UBAC2: variants seen among roughly 807,000 people sequenced by gnomAD.
The protein encoded by UBAC2 is ubiquitin-associated domain-containing protein 2.
In UBAC2, 26 loss-of-function variants were observed where a neutral mutation model predicts 44.0. The observed-to-expected ratio is 0.59, with a 90% confidence interval of 0.43 to 0.82. UBAC2 has a LOEUF of 0.82. UBAC2 is among the 40% of genes least tolerant of loss of function. UBAC2 has a pLI of 0.00. For synonymous variants in UBAC2, 155 were observed against 154.3 expected (o/e 1.00, Z -0.04); for missense variants, 329 against 419.4 (o/e 0.78, Z 1.88).
intron 7 of UBAC2, among the ~76,000 whole-genome samples, chr13:99,344,444 T>C (rs1453098131): frequency 6.6e-6 from 1 of 152,248 alleles, no homozygotes; most frequent in Non-Finnish European, 1.5e-5. Context: ...TTCAAATACA[T>C]GTTTTTGTTG....
intron 4 of UBAC2, chr13:99,258,135 T>C (rs1354919955): frequency 2.0e-5 from 3 of 152,246 alleles, no homozygotes; most frequent in Non-Finnish European, 1.5e-5. Flanking sequence ...AATCATGAAG[T>C]TAATTAAATG....
chr13:99,372,616 G>A (rs2296046), intron 8 of UBAC2: 45,402 of 152,092 alleles, frequency 0.3, 7,072 homozygotes, highest in Middle Eastern at 0.44. Context: ...TGGCGTCACC[G>A]GCTCTGAGTC....
intron 4 of UBAC2, among the ~76,000 whole-genome samples, chr13:99,250,100 A>G (rs1346408506): frequency 1.3e-5 from 2 of 152,112 alleles, no homozygotes; most frequent in Non-Finnish European, 2.9e-5. Context: ...TTTCATTGCA[A>G]TTGCTTTTGA....
At chr13:99,292,717 G>GAT (rs2044107610) in intron 4 of UBAC2, among the ~76,000 whole-genome samples, 1 of 10,758 alleles carries the variant, frequency 9.3e-5, no homozygotes, top group Non-Finnish European at 4.9e-4. Flanking sequence ...TAGCTTTGAG[G>GAT]GTTTTTTTTT....
intron 1 of UBAC2, among the ~76,000 whole-genome samples, chr13:99,214,283 C>T (rs1159597355): frequency 2.0e-5 from 3 of 149,292 alleles, no homozygotes; most frequent in Admixed American, 6.7e-5. Flanking sequence ...TGTAAGGACA[C>T]GAGTGGTGAA....
chr13:99,259,626 T>A (rs933076186), intron 4 of UBAC2, among the ~76,000 whole-genome samples: 1 of 152,230 alleles, frequency 6.6e-6, no homozygotes, highest in African/African-American at 2.4e-5. Context: ...TAGATAGGAC[T>A]TCTTATGGCT....
At chr13:99,303,916 T>C (rs941541736) in intron 4 of UBAC2, among the ~76,000 whole-genome samples, 2 of 152,222 alleles carry the variant, frequency 1.3e-5, no homozygotes, top group African/African-American at 4.8e-5. Context: ...CCTCACCTGC[T>C]GCCTCTGGTC....
intron 4 of UBAC2, among the ~76,000 whole-genome samples, chr13:99,280,803 C>G (rs2043942936): frequency 6.6e-6 from 1 of 151,436 alleles, no homozygotes; most frequent in Admixed American, 6.6e-5. Context: ...TTCTTCCTTC[C>G]CTCCCTTCTT....
intron 4 of UBAC2, among the ~76,000 whole-genome samples, chr13:99,253,269 T>C (rs2043481830): frequency 6.6e-6 from 1 of 152,118 alleles, no homozygotes. Context: ...GCATGTTTGC[T>C]TTTTATTATT....
chr13:99,364,937 A>G (rs913157297), intron 7 of UBAC2, among the ~76,000 whole-genome samples: 7 of 152,194 alleles, frequency 4.6e-5, no homozygotes, highest in East Asian at 1.9e-4. Context: ...TTTGATGAAC[A>G]TGTGTTTGAA....
chr13:99,330,981 A>G (rs2044708744), intron 6 of UBAC2, among the ~76,000 whole-genome samples: 1 of 152,242 alleles, frequency 6.6e-6, no homozygotes, highest in Admixed American at 6.5e-5. Flanking sequence ...TTGTTTACAT[A>G]TAAGAACCTG....
chr13:99,359,772 T>C (rs566204154), intron 7 of UBAC2, among the ~76,000 whole-genome samples: 1 of 152,360 alleles, frequency 6.6e-6, no homozygotes, highest in East Asian at 1.9e-4. Context: ...GTGTGGGCCC[T>C]GCCTCGCCTC....
At chr13:99,235,170 C>T (rs2043219176) in intron 1 of UBAC2, among the ~76,000 whole-genome samples, 1 of 152,150 alleles carries the variant, frequency 6.6e-6, no homozygotes, top group Non-Finnish European at 1.5e-5. Context: ...AGTGTTAACA[C>T]TTTTAGCCTC....
At chr13:99,251,494 C>A (rs896343259) in intron 4 of UBAC2, among the ~76,000 whole-genome samples, 2 of 152,146 alleles carry the variant, frequency 1.3e-5, no homozygotes, top group South Asian at 2.1e-4. Flanking sequence ...ACTCTTAAAT[C>A]TTTTCTTGTC....
chr13:99,301,408 G>C (rs957501828), intron 4 of UBAC2, among the ~76,000 whole-genome samples: 1 of 152,150 alleles, frequency 6.6e-6, no homozygotes, highest in Non-Finnish European at 1.5e-5. Context: ...TGCAGTACTT[G>C]GTCCTTTTAA....
chr13:99,349,329 C>G (rs183177681), intron 7 of UBAC2, among the ~76,000 whole-genome samples: 6 of 152,352 alleles, frequency 3.9e-5, no homozygotes, highest in Middle Eastern at 3.4e-3. Context: ...CTTGGAATCT[C>G]CACAGTGAGC....
At chr13:99,257,100 C>A (rs927038849) in intron 4 of UBAC2, among the ~76,000 whole-genome samples, 5 of 152,126 alleles carry the variant, frequency 3.3e-5, no homozygotes, top group African/African-American at 1.2e-4. Context: ...CTTCCCTTCC[C>A]TTCCCTTTCT....
intron 4 of UBAC2, among the ~76,000 whole-genome samples, chr13:99,291,404 G>A (rs2081306634): frequency 1.3e-5 from 2 of 152,108 alleles, no homozygotes; most frequent in Non-Finnish European, 2.9e-5. Context: ...TAATCCACAT[G>A]CTTTTCATTT....
intron 4 of UBAC2, among the ~76,000 whole-genome samples, chr13:99,298,080 C>T (rs551893774): frequency 9.2e-5 from 14 of 152,108 alleles, no homozygotes; most frequent in Middle Eastern, 3.4e-3. Context: ...CAAAATTTGA[C>T]GGAATTTGAA....
Sources: allele counts gnomAD v4.1 joint callset (sites outside exome capture counted in the v4.1 genomes callset), GRCh38; gene constraint gnomAD v4.1.1; transcripts MANE v1.5; gene names NCBI Gene and HGNC (gene_info 2026-07-23, HGNC 2026-07-21).